Variants in PTPRT observed in about 807,000 individuals in gnomAD.
PTPRT encodes protein tyrosine phosphatase receptor type T, also known as receptor-type tyrosine-protein phosphatase T.
A neutral mutation model predicts 176.8 loss-of-function variants in PTPRT; 56 were observed. The ratio of observed to expected loss-of-function variants is 0.32; its 90% CI spans 0.26 to 0.40. The LOEUF (loss-of-function observed/expected upper bound fraction) is 0.40. PTPRT is among the 10% of genes least tolerant of loss of function. PTPRT has a pLI of 1.00. For synonymous variants in PTPRT, 783 were observed against 739.0 expected, an observed-to-expected ratio of 1.06 and a Z score of -0.96; for missense variants, 1,540 against 1,908.2, an observed-to-expected ratio of 0.81 and a Z score of 3.60.
chr20:42,701,182 G>A (rs1301323149), intron 6 of PTPRT, among the ~76,000 whole-genome samples: 1 of 152,116 alleles, frequency 6.6e-6, no homozygotes, highest in Non-Finnish European at 1.5e-5. Flanking sequence ...TATCACACTG[G>A]GAAGGAAGAG....
Position 42,365,203 on chromosome 20 carries a change from T to G in PTPRT, c.1561-12918A>C, listed in dbSNP as rs368469950. On this transcript the variant is annotated intron_variant, in intron 9 of 30. Coordinates refer to ENST00000373187, the MANE Select transcript of PTPRT (RefSeq NM_007050.6). Reference sequence around the variant, plus strand: ...TAAGTGTTCGAAACCTGTTGTGTATTTTATATTCTGAACATTTCTATTCCG... The same window carrying G: ...TAAGTGTTCGAAACCTGTTGTGTATGTTATATTCTGAACATTTCTATTCCG... 3.0e-4 allele frequency among the ~76,000 whole-genome samples: 45 copies of G among 152,368 alleles called. No individual in the cohort carries two copies. In the East Asian group the frequency reaches 6.6e-3, roughly 22 times the overall value.
At chr20:42,821,768 T>C (rs939316844) in intron 2 of PTPRT, among the ~76,000 whole-genome samples, 8 of 151,780 alleles carry the variant, frequency 5.3e-5, no homozygotes, top group African/African-American at 1.5e-4. Flanking sequence ...ACACTGACAA[T>C]AGGCAAGCAG....
chr20:42,142,074 G>C, intron 17 of PTPRT, 72 bp from the exon 18 acceptor site: 1 of 1,329,850 alleles, frequency 7.5e-7, no homozygotes, highest in Non-Finnish European at 1.1e-6. Flanking sequence ...TGAACCAACA[G>C]GGCAAAGTAA....
intron 1 of PTPRT, among the ~76,000 whole-genome samples, chr20:42,967,565 A>C (rs1214588858): frequency 6.6e-6 from 1 of 152,124 alleles, no homozygotes; most frequent in Non-Finnish European, 1.5e-5. Context: ...TTGATTTCAG[A>C]CTGTGGACCC....
At chr20:42,071,925 T>A (rs1295277971), downstream of PTPRT, among the ~76,000 whole-genome samples, 4 of 152,188 alleles carry the variant, frequency 2.6e-5, no homozygotes, top group Non-Finnish European at 4.4e-5. Flanking sequence ...TCCAAAGTGC[T>A]GAGATAACAG....
intron 9 of PTPRT, among the ~76,000 whole-genome samples, chr20:42,406,485 G>A (rs2058962198): frequency 6.6e-6 from 1 of 151,962 alleles, no homozygotes; most frequent in Admixed American, 6.6e-5. Context: ...TCACGTAACA[G>A]TTTAAGAAAG....
At chr20:42,755,114 G>C (rs2076812161) in intron 6 of PTPRT, among the ~76,000 whole-genome samples, 1 of 152,198 alleles carries the variant, frequency 6.6e-6, no homozygotes, top group African/African-American at 2.4e-5. Flanking sequence ...GAAGGGAGGT[G>C]TGGGCGGGGG....
intron 11 of PTPRT, among the ~76,000 whole-genome samples, chr20:42,334,867 T>G (rs1568784943): frequency 6.6e-6 from 1 of 152,330 alleles, no homozygotes; most frequent in East Asian, 1.9e-4. Context: ...GTAAGTGAAC[T>G]TCTAGTTAAA....
At position 42,456,126 on chromosome 20, in the gene PTPRT, T is replaced by C. The variant is rs6030255; in HGVS notation, c.1451-7797A>G. Among the ~76,000 whole-genome samples the C allele has an allele frequency of 4.9e-3, 748 of 152,182 alleles. 6 individuals are homozygous for C. Among genetic ancestry groups the C allele is most frequent in the African/African-American group, 0.016 (686 of 41,576 alleles). On this transcript the variant is annotated intron_variant, in intron 8 of 30. Coordinates refer to ENST00000373187, the MANE Select transcript of PTPRT (RefSeq NM_007050.6). ...TTTATACGTACATCTTGAAAACTTA[T>C]GTTAAATGTATTACTAAATACCTTA... is the stretch of plus-strand genomic sequence containing the variant.
At chr20:43,055,068 T>A (rs970024841) in intron 1 of PTPRT, among the ~76,000 whole-genome samples, 1 of 152,198 alleles carries the variant, frequency 6.6e-6, no homozygotes, top group Non-Finnish European at 1.5e-5. Flanking sequence ...CATTACAATT[T>A]CCCACTAATT....
intron 12 of PTPRT, 148 bp from the exon 13 acceptor site, chr20:42,282,673 TC>T: frequency 1.5e-6 from 1 of 650,250 alleles, no homozygotes; most frequent in South Asian, 2.5e-5. Context: ...TCCATTTTTT[TC>T]CCCATCGGAT....
At chr20:42,609,067 A>C (rs1238837261) in intron 7 of PTPRT, among the ~76,000 whole-genome samples, 7 of 152,036 alleles carry the variant, frequency 4.6e-5, no homozygotes, top group Non-Finnish European at 5.9e-5. Context: ...AGAACACTCC[A>C]ACACTTTTTT....
At chr20:42,537,095 A>C (rs2072490243) in intron 7 of PTPRT, among the ~76,000 whole-genome samples, 1 of 152,192 alleles carries the variant, frequency 6.6e-6, no homozygotes, top group Non-Finnish European at 1.5e-5. Context: ...TGGAAAAAAA[A>C]AACCCTAAGT....
chr20:42,833,015 A>C (rs557305708), intron 2 of PTPRT, among the ~76,000 whole-genome samples: 6 of 152,054 alleles, frequency 3.9e-5, no homozygotes, highest in Admixed American at 6.6e-5. Context: ...GCTTGAACAC[A>C]GGAGGCAGAG....
chr20:43,166,379 A>G (rs2014860219), intron 1 of PTPRT, among the ~76,000 whole-genome samples: 1 of 151,718 alleles, frequency 6.6e-6, no homozygotes, highest in African/African-American at 2.4e-5. Flanking sequence ...CTGTATTTGA[A>G]TCACTGAAGG....
At chr20:42,615,689 G>C (rs1273402146) in intron 7 of PTPRT, among the ~76,000 whole-genome samples, 1 of 126,866 alleles carries the variant, frequency 7.9e-6, no homozygotes, top group South Asian at 2.5e-4. Flanking sequence ...GATGGCCAGT[G>C]ATGATGAGCA....
chr20:42,198,032 A>G (rs189709995), intron 16 of PTPRT, among the ~76,000 whole-genome samples: 5 of 152,222 alleles, frequency 3.3e-5, no homozygotes, highest in African/African-American at 1.2e-4. Context: ...CTCATCCCCC[A>G]GGAGATTTTG....
intron 1 of PTPRT, among the ~76,000 whole-genome samples, chr20:42,993,456 ATG>A (rs1340201676): frequency 9.8e-6 from 1 of 102,240 alleles, no homozygotes; most frequent in Admixed American, 8.8e-5. Flanking sequence ...ATATATATGT[ATG>A]TGTGTGTATA....
chr20:42,223,038 A>C (rs1342160543), intron 15 of PTPRT, among the ~76,000 whole-genome samples: 1 of 152,164 alleles, frequency 6.6e-6, no homozygotes, highest in Non-Finnish European at 1.5e-5. Context: ...AAAACATCCC[A>C]TACATTTGGT....
Sources: gnomAD v4.1 joint callset for allele counts (sites outside exome capture counted in the v4.1 genomes callset) on GRCh38, gnomAD v4.1.1 for gene constraint, MANE v1.5 for transcripts, NCBI Gene and HGNC (gene_info 2026-07-23, HGNC 2026-07-21) for gene names.